Variants in STOX2 observed in about 807,000 individuals in gnomAD.
The protein encoded by STOX2 is storkhead box 2.
In STOX2, 28 loss-of-function variants were observed where a neutral mutation model predicts 60.9. The ratio of observed to expected loss-of-function variants is 0.46; its 90% CI spans 0.34 to 0.63. The LOEUF (loss-of-function observed/expected upper bound fraction) is 0.63. Among genes scored for constraint, STOX2 ranks in the 30% least tolerant of loss-of-function variants. The pLI is 0.01. For missense variants in STOX2, 1,024 were observed against 1,187.7 expected, an observed-to-expected ratio of 0.86 and a Z score of 2.03; for synonymous variants, 472 against 463.9, an observed-to-expected ratio of 1.02 and a Z score of -0.22.
At chr4:183,894,363 C>T (rs888707004) in intron 1 of STOX2, among the ~76,000 whole-genome samples, 1 of 151,884 alleles carries the variant, frequency 6.6e-6, no homozygotes, top group African/African-American at 2.4e-5. Flanking sequence ...AATATTGAAA[C>T]AAAATTTTAA....
chr4:183,937,122 C>A (rs923698250), intron 1 of STOX2, among the ~76,000 whole-genome samples: 2 of 152,190 alleles, frequency 1.3e-5, no homozygotes, highest in African/African-American at 4.8e-5. Flanking sequence ...ACAGCTAAAG[C>A]ACTCTTTGGT....
intron 1 of STOX2, among the ~76,000 whole-genome samples, chr4:183,933,271 A>G (rs1742489583): frequency 6.6e-6 from 1 of 152,242 alleles, no homozygotes; most frequent in Non-Finnish European, 1.5e-5. Flanking sequence ...ATTTACTTTA[A>G]TACTGCAGAT....
intron 1 of STOX2, among the ~76,000 whole-genome samples, chr4:183,937,207 A>G (rs1192151136): frequency 2.0e-5 from 3 of 152,256 alleles, no homozygotes; most frequent in Admixed American, 2.0e-4. Flanking sequence ...ACACGCAAGG[A>G]AAATTCAAAA....
intron 1 of STOX2, among the ~76,000 whole-genome samples, chr4:183,875,022 G>A (rs1408405301): frequency 3.7e-5 from 4 of 108,660 alleles, no homozygotes; most frequent in East Asian, 6.1e-4. Flanking sequence ...TGTGAATTAA[G>A]TTTACATGTT....
At chr4:184,014,292 A>C (rs1734277790) in intron 3 of STOX2, 1 of 152,316 alleles carries the variant, frequency 6.6e-6, no homozygotes, top group East Asian at 1.9e-4. Flanking sequence ...GAACTATGCT[A>C]TGAGATCTAA....
At chr4:183,817,633 A>T (rs890898106) in intron 1 of STOX2, among the ~76,000 whole-genome samples, 6 of 152,244 alleles carry the variant, frequency 3.9e-5, no homozygotes, top group African/African-American at 1.4e-4. Flanking sequence ...CACCAATTTG[A>T]TGACACTCTC....
intron 1 of STOX2, among the ~76,000 whole-genome samples, chr4:183,804,910 C>T (rs745999131): frequency 1.3e-5 from 2 of 152,042 alleles, no homozygotes; most frequent in African/African-American, 2.4e-5. Context: ...CGTTTGTTTC[C>T]TTGTGGGTTT....
intron 1 of STOX2, among the ~76,000 whole-genome samples, chr4:183,919,036 G>A (rs1742014714): frequency 2.0e-5 from 3 of 152,160 alleles, no homozygotes; most frequent in East Asian, 1.9e-4. Flanking sequence ...AAACCAAAAC[G>A]GTACGAAGTA....
At chr4:183,900,574 T>C (rs1419861355), upstream of STOX2, among the ~76,000 whole-genome samples, 1 of 152,224 alleles carries the variant, frequency 6.6e-6, no homozygotes, top group Non-Finnish European at 1.5e-5. Context: ...ATACTAGAGA[T>C]ACAAGTTCAA....
At position 183,917,507 on chromosome 4, in the gene STOX2, A is replaced by G. The variant is rs544243249; in HGVS notation, c.166+10551A>G. 3.6e-4 allele frequency among the ~76,000 whole-genome samples: 55 copies of G among 152,360 alleles called. No individual in the cohort carries two copies. In the Middle Eastern group the frequency reaches 0.01, roughly 28 times the overall value. ...TTGTGATTGGAATGTGCGTTCTGTT[A>G]ACCTAGTGAACTCATTTGGATTTTC... On this transcript the variant is annotated intron_variant, in intron 1 of 3. Transcript: ENST00000308497.
At chr4:183,901,212 G>T (rs1054813984), upstream of STOX2, among the ~76,000 whole-genome samples, 1 of 152,038 alleles carries the variant, frequency 6.6e-6, no homozygotes, top group African/African-American at 2.4e-5. Context: ...TGTTTTCAAG[G>T]TTCATCCCTG....
intron 1 of STOX2, among the ~76,000 whole-genome samples, chr4:183,972,140 G>A (rs1743760246): frequency 1.3e-5 from 2 of 152,152 alleles, no homozygotes; most frequent in South Asian, 2.1e-4. Context: ...CGTAGGGCTG[G>A]GCAGACATCC....
chr4:183,903,304 G>A (rs1008698856), upstream of STOX2, among the ~76,000 whole-genome samples: 20 of 152,074 alleles, frequency 1.3e-4, no homozygotes, highest in Admixed American at 1.2e-3. Context: ...CCAACAGAAA[G>A]TCAAGATCCC....
intron 1 of STOX2, among the ~76,000 whole-genome samples, chr4:183,994,494 A>C (rs367779361): frequency 1.3e-5 from 2 of 152,172 alleles, no homozygotes; most frequent in African/African-American, 4.8e-5. Flanking sequence ...TTCAGTTCAG[A>C]TGAGTGTTAA....
chr4:183,940,815 T>C (rs910093915), intron 1 of STOX2, among the ~76,000 whole-genome samples: 2 of 152,280 alleles, frequency 1.3e-5, no homozygotes, highest in Non-Finnish European at 2.9e-5. Context: ...CTACTGTTTC[T>C]TCTACATTTG....
chr4:183,932,231 T>C (rs1160898575), intron 1 of STOX2, among the ~76,000 whole-genome samples: 1 of 151,944 alleles, frequency 6.6e-6, no homozygotes, highest in African/African-American at 2.4e-5. Flanking sequence ...GGGACGTTGA[T>C]GAGTTCCATT....
At chr4:183,978,179 A>G (rs1338944714) in intron 1 of STOX2, among the ~76,000 whole-genome samples, 1 of 152,176 alleles carries the variant, frequency 6.6e-6, no homozygotes, top group Non-Finnish European at 1.5e-5. Flanking sequence ...TGCTTTGACC[A>G]ATGTCCAGAA....
chr4:183,948,522 A>T (rs1201390292), intron 1 of STOX2, among the ~76,000 whole-genome samples: 1 of 135,912 alleles, frequency 7.4e-6, no homozygotes, highest in Admixed American at 7.6e-5. Flanking sequence ...CAAGCTGTTA[A>T]CTTGTTAATG....
At chr4:183,858,671 T>C (rs935803626) in intron 1 of STOX2, among the ~76,000 whole-genome samples, 1 of 152,208 alleles carries the variant, frequency 6.6e-6, no homozygotes, top group Non-Finnish European at 1.5e-5. Context: ...ATAATGTCCC[T>C]ATTGAGCTGT....
Sources: gnomAD v4.1 joint callset for allele counts (sites outside exome capture counted in the v4.1 genomes callset) on GRCh38, gnomAD v4.1.1 for gene constraint, MANE v1.5 for transcripts, NCBI Gene and HGNC (gene_info 2026-07-23, HGNC 2026-07-21) for gene names.